The following CEP83 variants were observed in gnomAD, a reference collection of about 807,000 sequenced individuals.
CEP83 encodes the protein centrosomal protein of 83 kDa.
Under a neutral mutation model 101.9 loss-of-function variants are expected in CEP83, and 70 were observed. The ratio of observed to expected loss-of-function variants is 0.69; its 90% CI spans 0.57 to 0.84. The LOEUF (loss-of-function observed/expected upper bound fraction) is 0.84. CEP83 is among the 40% of genes least tolerant of loss of function. The pLI is 0.00. For missense variants in CEP83, 715 were observed against 787.2 expected (o/e 0.91, Z 1.10); for synonymous variants, 264 against 267.9 (o/e 0.99, Z 0.14).
chr12:94,379,640 A>T (rs921276003), intron 6 of CEP83, among the ~76,000 whole-genome samples: 8 of 152,054 alleles, frequency 5.3e-5, no homozygotes, highest in Non-Finnish European at 1.2e-4. Context: ...CAGGTGTTAA[A>T]GTCACTGGGG....
chr12:94,427,966 G>A (rs1433310880), intron 2 of CEP83, among the ~76,000 whole-genome samples: 1 of 152,164 alleles, frequency 6.6e-6, no homozygotes, highest in Non-Finnish European at 1.5e-5. Context: ...CAAAGCCCTG[G>A]TAAGGTGCCA....
At chr12:94,274,933 G>A in the CEP83 span, among the ~76,000 whole-genome samples, 2 of 152,160 alleles carry the variant, frequency 1.3e-5, no homozygotes, top group African/African-American at 4.8e-5. Flanking sequence ...ACAGTGTCTG[G>A]CACCTATAAA....
chr12:94,386,804 A>C (rs1044738971), intron 6 of CEP83, among the ~76,000 whole-genome samples: 1 of 152,196 alleles, frequency 6.6e-6, no homozygotes, highest in Non-Finnish European at 1.5e-5. Context: ...CCAGTCTCTC[A>C]GTGTTTTTAT....
intron 11 of CEP83, among the ~76,000 whole-genome samples, chr12:94,342,574 A>T (rs1356979731): frequency 1.3e-5 from 2 of 152,246 alleles, no homozygotes; most frequent in Non-Finnish European, 2.9e-5. Flanking sequence ...GGCTCACTGC[A>T]TGTGAATGTA....
At chr12:94,324,407 A>T (rs939289904) in intron 14 of CEP83, among the ~76,000 whole-genome samples, 5 of 152,234 alleles carry the variant, frequency 3.3e-5, no homozygotes, top group Admixed American at 2.0e-4. Flanking sequence ...ATTAATTAGC[A>T]TAATAGTTTT....
At chr12:94,303,729 TTGC>T (rs1434065057), downstream of CEP83, 1 of 1,344,774 alleles carries the variant, frequency 7.4e-7, no homozygotes, top group Non-Finnish European at 9.9e-7. Flanking sequence ...TTGGTGATGG[TTGC>T]TTTTTTTTTT....
At chr12:94,360,568 A>G (rs1206084731) in intron 11 of CEP83, among the ~76,000 whole-genome samples, 1 of 152,042 alleles carries the variant, frequency 6.6e-6, no homozygotes, top group Non-Finnish European at 1.5e-5. Context: ...AAAGATCTCT[A>G]AAAGGAAAAC....
chr12:94,369,476 A>T (rs1593471154), intron 9 of CEP83: 1 of 152,214 alleles, frequency 6.6e-6, no homozygotes, highest in East Asian at 1.9e-4. Flanking sequence ...TAAAAATAAA[A>T]AATAAATAAA....
At chr12:94,348,421 T>C (rs2136723524) in intron 11 of CEP83, among the ~76,000 whole-genome samples, 1 of 152,234 alleles carries the variant, frequency 6.6e-6, no homozygotes, top group East Asian at 1.9e-4. Context: ...GCTAGATAAG[T>C]GGGTGTCTCA....
At chr12:94,281,942 G>T in the CEP83 span, 1 of 263,720 alleles carries the variant, frequency 3.8e-6, no homozygotes, top group South Asian at 3.9e-5. Flanking sequence ...TACAGAGATG[G>T]TTCATATCAT....
chr12:94,320,066 G>A (rs570387207), intron 14 of CEP83, among the ~76,000 whole-genome samples: 37 of 152,290 alleles, frequency 2.4e-4, no homozygotes, highest in African/African-American at 7.7e-4. Context: ...GGATAGTTAC[G>A]TCTTCTTATT....
Position 94,429,447 on chromosome 12 carries a change from G to C in CEP83, c.-102+5828C>G, listed in dbSNP as rs1593994349. Among the ~76,000 whole-genome samples, 5 of 152,312 alleles carry C rather than the reference G, an allele frequency of 3.3e-5. No individual in the cohort carries two copies. In the South Asian group the frequency reaches 1.0e-3, roughly 32 times the overall value. On this transcript the variant is annotated intron_variant, in intron 2 of 16. Coordinates refer to ENST00000397809, the MANE Select transcript of CEP83 (RefSeq NM_016122.3). ...CCTCTCCACTCCCCATCCCAGTCCT[G>C]CAGCTATAGTAAGACACCATTTTGA...
chr12:94,293,185 GTTTTA>G, the CEP83 span, among the ~76,000 whole-genome samples: 1 of 152,040 alleles, frequency 6.6e-6, no homozygotes, highest in Non-Finnish European at 1.5e-5. Flanking sequence ...CATTTTCATT[GTTTTA>G]TAAACTGTTG....
the CEP83 span, among the ~76,000 whole-genome samples, chr12:94,278,686 A>G: frequency 1.3e-5 from 2 of 152,182 alleles, no homozygotes; most frequent in Admixed American, 6.5e-5. Context: ...CCTGTAATTA[A>G]TGCTGCATAT....
chr12:94,422,799 A>C (rs2064864220), intron 2 of CEP83, among the ~76,000 whole-genome samples: 2 of 152,328 alleles, frequency 1.3e-5, no homozygotes, highest in South Asian at 4.1e-4. Context: ...TTCCTTTTTA[A>C]GGCTAAATAG....
At chr12:94,331,357 CTTTTTTT>C (rs1161292599) in intron 14 of CEP83, among the ~76,000 whole-genome samples, 20 of 66,788 alleles carry the variant, frequency 3.0e-4, no homozygotes, top group African/African-American at 1.1e-3. Context: ...ACCTTTTTTC[CTTTTTTT>C]TTTTTTTTTT....
chr12:94,455,048 A>C (rs1465294575), intron 1 of CEP83, among the ~76,000 whole-genome samples: 26 of 152,154 alleles, frequency 1.7e-4, no homozygotes, highest in Non-Finnish European at 3.4e-4. Context: ...CATCTTTAAG[A>C]ACTGCAACAT....
intron 16 of CEP83, among the ~76,000 whole-genome samples, chr12:94,309,455 A>T (rs796740083): frequency 1.1e-4 from 17 of 152,276 alleles, no homozygotes; most frequent in African/African-American, 3.6e-4. Flanking sequence ...ATTAGCTATG[A>T]CCTTATGCAA....
At chr12:94,301,415 C>T in the CEP83 span, among the ~76,000 whole-genome samples, 2 of 152,140 alleles carry the variant, frequency 1.3e-5, no homozygotes, top group African/African-American at 4.8e-5. Context: ...TTTGAATATA[C>T]ATAAAATGCC....
Sources: allele counts gnomAD v4.1 joint callset (sites outside exome capture counted in the v4.1 genomes callset), GRCh38; gene constraint gnomAD v4.1.1; transcripts MANE v1.5; gene names NCBI Gene and HGNC (gene_info 2026-07-23, HGNC 2026-07-21).